Variants in MISP observed in about 807,000 individuals in gnomAD.
The protein encoded by MISP is mitotic spindle positioning.
In MISP, 51 loss-of-function variants were observed where a neutral mutation model predicts 49.3. The ratio of observed to expected loss-of-function variants is 1.03; its 90% CI spans 0.83 to 1.31. The LOEUF is 1.31. Ranked by LOEUF, MISP falls within the 50% of genes most tolerant of loss-of-function variation. The pLI is 0.00. For synonymous variants in MISP, 444 were observed against 392.6 expected, an observed-to-expected ratio of 1.13 and a Z score of -1.55; for missense variants, 1,084 against 935.1, an observed-to-expected ratio of 1.16 and a Z score of -2.08.
At chr19:750,941 A>G (rs1364161414), upstream of MISP, among the ~76,000 whole-genome samples, 1 of 152,072 alleles carries the variant, frequency 6.6e-6, no homozygotes, top group African/African-American at 2.4e-5. Context: ...GGCAGCCGGC[A>G]GCGGGCACGG....
intron 1 of MISP, among the ~76,000 whole-genome samples, chr19:753,225 A>G (rs974064622): frequency 3.9e-5 from 6 of 152,138 alleles, no homozygotes; most frequent in African/African-American, 4.8e-5. Context: ...CTGGTTTTCA[A>G]TGTTTCCCCT....
rs773570818 is a variant in MISP at position 758,465 on chromosome 19, C to T, written c.1519C>T (p.Arg507Cys). The T allele has an allele frequency of 1.1e-5, 17 of 1,614,140 alleles. No individual in the cohort carries two copies. Among genetic ancestry groups the T allele is most frequent in the Middle Eastern group, 1.7e-4 (1 of 6,060 alleles). The change falls in exon 2 of 5, where the codon CGT becomes TGT. Residue 507 changes from arginine (R) to cysteine (C), a missense_variant. Physicochemically the swap from Arg to Cys is radical, Grantham distance 180 (BLOSUM62 -3). Transcript: ENST00000215582. Reference protein sequence around the residue: ...GVVRWEYFRLRPLRFRAPDEP... With the variant: ...GVVRWEYFRLCPLRFRAPDEP... ...CGTGCGGTGGGAGTACTTCCGCCTGCGTCCTCTGCGGTTCAGGGCCCCAGA... is the reference window on the plus strand; with the variant it reads ...CGTGCGGTGGGAGTACTTCCGCCTGTGTCCTCTGCGGTTCAGGGCCCCAGA...
chr19:758,640 G>A lies in MISP; in HGVS notation c.1694G>A (p.Arg565Gln), dbSNP rs141415846. 109 of 1,614,116 alleles carry A rather than the reference G, an allele frequency of 6.8e-5. No homozygotes were observed. Among genetic ancestry groups the A allele is most frequent in the Non-Finnish European group, 8.2e-5 (97 of 1,180,054 alleles). ...LRREQEVAEERRNALFPEVFS... is the reference protein window; with the variant it reads ...LRREQEVAEEQRNALFPEVFS... ...CGGGAGCAAGAGGTGGCAGAGGAGC[G>A]GAGAAATGCTCTCTTCCCAGAGGTC... Residue 565 changes from arginine to glutamine, a missense_variant, in exon 2 of 5, where the codon CGG becomes CAG. Transcript: ENST00000215582.
chr19:753,442 A>G (rs577791667), intron 1 of MISP, among the ~76,000 whole-genome samples: 28 of 148,110 alleles, frequency 1.9e-4, no homozygotes, highest in Non-Finnish European at 3.4e-4. Context: ...CTGGAGTGCA[A>G]TGGTGCGATC....
At chr19:761,544 A>G in intron 3 of MISP, 81 bp from the exon 4 acceptor site, 2 of 1,505,944 alleles carry the variant, frequency 1.3e-6, no homozygotes, top group Admixed American at 3.4e-5. Flanking sequence ...GGTGACAGAG[A>G]GGGCTGTGTG....
rs1282346752 is a variant in MISP at position 757,437 on chromosome 19, C to T, written c.491C>T (p.Thr164Ile). The change falls in exon 2 of 5, where the codon ACT becomes ATT. Residue 164 changes from threonine (T) to isoleucine (I), a missense_variant. By Grantham distance (89) the Thr-to-Ile change is moderately conservative (BLOSUM62 -1). Coordinates refer to ENST00000215582, the MANE Select transcript of MISP (RefSeq NM_173481.4). ...AGCACCGTGGCCACGCTCCAGGGCA[C>T]TCCTGACCACGGAGACCCCAGGACC... ...KSSTVATLQG[T>I]PDHGDPRTPG... The T allele has an allele frequency of 3.1e-6, 5 of 1,595,126 alleles. No individual in the cohort carries two copies.
intron 2 of MISP, among the ~76,000 whole-genome samples, chr19:759,262 A>G (rs2033632368): frequency 6.6e-6 from 1 of 151,970 alleles, no homozygotes; most frequent in African/African-American, 2.4e-5. Flanking sequence ...ACCTCAGGCG[A>G]TCCACCCTGC....
At chr19:748,747 G>C (rs2033415340), upstream of MISP, among the ~76,000 whole-genome samples, 1 of 152,202 alleles carries the variant, frequency 6.6e-6, no homozygotes, top group South Asian at 2.1e-4. Context: ...CCAGTGTCAT[G>C]CTCACGGGAA....
intron 3 of MISP, among the ~76,000 whole-genome samples, 169 bp from the exon 4 acceptor site, chr19:761,456 T>C (rs1324236040): frequency 6.6e-6 from 1 of 152,062 alleles, no homozygotes; most frequent in Non-Finnish European, 1.5e-5. Context: ...GCAAGGGGGA[T>C]GGCTGTGAGT....
At chr19:761,699 TC>T (rs753051312) in intron 4 of MISP, 36 bp downstream of exon 4, 2 of 1,611,972 alleles carry the variant, frequency 1.2e-6, no homozygotes, top group Admixed American at 1.7e-5. Context: ...CTCAAGTCTT[TC>T]CCCCCCACAT....
Position 759,067 on chromosome 19 carries a change from A to C in MISP, c.1780+341A>C, listed in dbSNP as rs529884219. ...GAGACGGAGTCTCGCTCTGTCGCCC[A>C]GGCTGGAGTGCAGTGGCAGGATCTC... On this transcript the variant is annotated intron_variant, in intron 2 of 4. Coordinates refer to ENST00000215582, the MANE Select transcript of MISP (RefSeq NM_173481.4). 1.7e-4 allele frequency among the ~76,000 whole-genome samples: 26 copies of C among 152,300 alleles called. No homozygotes were observed. The East Asian group carries it at 4.8e-3, about 28-fold the overall frequency.
In MISP at chr19:756,913, C is replaced by T. The variant is rs748638594; in HGVS notation, c.-34C>T. 8 of 1,466,878 alleles carry T rather than the reference C, an allele frequency of 5.5e-6. No homozygotes were observed. The highest frequency in any genetic ancestry group is 2.8e-5 in the African/African-American group (2 of 70,902). The allele number at this position is 1,466,878 out of a possible 1,614,324, so 90.9% of individuals were successfully genotyped here. A position where few individuals can be genotyped will look rare whatever the true frequency, so the allele number is the denominator to read the frequency against. ...AGTAAGCCCAGAGGTCTCCACCCCA[C>T]GGGAGGAAGGCTGAGGCCAAGACCC... On this transcript the variant is annotated 5_prime_UTR_variant, in exon 2 of 5. In the 5' UTR this introduces an upstream ATG that the reference lacks. Coordinates refer to ENST00000215582, the MANE Select transcript of MISP (RefSeq NM_173481.4).
chr19:757,983 G>T lies in MISP; in HGVS notation c.1037G>T (p.Arg346Leu). The change falls in exon 2 of 5, where the codon CGC becomes CTC. Residue 346 changes from arginine to leucine, a missense_variant. Physicochemically the swap from Arg to Leu is moderately radical, Grantham distance 102. Coordinates refer to ENST00000215582, the MANE Select transcript of MISP (RefSeq NM_173481.4). The part of the protein sequence containing the change: ...LITAPRRERG[R>L]PSLYVQRDIV... ...ACAGCCCCACGGCGGGAGAGAGGGCGCCCGTCCCTCTACGTGCAGCGGGAC... is the reference window on the plus strand; with the variant it reads ...ACAGCCCCACGGCGGGAGAGAGGGCTCCCGTCCCTCTACGTGCAGCGGGAC... 1.3e-6 allele frequency: 2 copies of T among 1,578,902 alleles called. No homozygotes were observed. The highest frequency in any genetic ancestry group is 2.2e-5 in the East Asian group (1 of 44,554).
chr19:749,924 GC>G (rs2033433934), upstream of MISP, among the ~76,000 whole-genome samples: 3 of 152,142 alleles, frequency 2.0e-5, no homozygotes, highest in South Asian at 6.2e-4. Flanking sequence ...GTTCAGAGGG[GC>G]TCCACAAGCA....
intron 1 of MISP, among the ~76,000 whole-genome samples, 159 bp downstream of exon 1, chr19:751,330 C>T (rs1429144896): frequency 6.6e-6 from 1 of 152,138 alleles, no homozygotes. Flanking sequence ...CCGTCACCCT[C>T]GGAGCCTCCC....
intron 1 of MISP, among the ~76,000 whole-genome samples, chr19:756,331 C>G (rs1422350675): frequency 6.6e-6 from 1 of 152,182 alleles, no homozygotes; most frequent in African/African-American, 2.4e-5. Flanking sequence ...ATTACAGAGG[C>G]CAGAGGGTGA....
chr19:759,771 C>A, intron 2 of MISP, 138 bp from the exon 3 acceptor site: 1 of 968,064 alleles, frequency 1.0e-6, no homozygotes, highest in Admixed American at 2.6e-5. Flanking sequence ...CTACTTTGGT[C>A]AATCTGTCAG....
intron 3 of MISP, 149 bp from the exon 4 acceptor site, chr19:761,476 C>A: frequency 1.3e-6 from 1 of 777,160 alleles, no homozygotes; most frequent in East Asian, 2.6e-5. Context: ...TCTGGGTGAT[C>A]GTGGGACACG....
intron 4 of MISP, among the ~76,000 whole-genome samples, chr19:762,309 G>A (rs898249259): frequency 3.3e-5 from 5 of 149,774 alleles, no homozygotes; most frequent in African/African-American, 1.2e-4. Context: ...CTGGAGTGGA[G>A]TGGCTTGACC....
Sources: gnomAD v4.1 joint callset for allele counts (sites outside exome capture counted in the v4.1 genomes callset) on GRCh38, gnomAD v4.1.1 for gene constraint, MANE v1.5 for transcripts, NCBI Gene and HGNC (gene_info 2026-07-23, HGNC 2026-07-21) for gene names.